Variants in BRINP1 observed in about 807,000 individuals in gnomAD.
The protein encoded by BRINP1 is BMP/retinoic acid-inducible neural-specific protein 1.
A neutral mutation model predicts 72.9 loss-of-function variants in BRINP1; 17 were observed. The observed-to-expected ratio is 0.23, with a 90% CI of 0.16 to 0.35. The LOEUF (loss-of-function observed/expected upper bound fraction) is 0.35. Ranked by LOEUF, BRINP1 falls within the 10% of genes least tolerant of loss-of-function variation. The pLI is 1.00. For synonymous variants in BRINP1, 418 were observed against 378.5 expected, an observed-to-expected ratio of 1.10 and a Z score of -1.21; for missense variants, 850 against 1,001.6, an observed-to-expected ratio of 0.85 and a Z score of 2.04.
chr9:119,197,051 A>G (rs1390796488), intron 7 of BRINP1, among the ~76,000 whole-genome samples: 1 of 152,226 alleles, frequency 6.6e-6, no homozygotes, highest in East Asian at 1.9e-4. Flanking sequence ...AAGGAAAACA[A>G]GTTATCTGCC....
intron 1 of BRINP1, among the ~76,000 whole-genome samples, chr9:119,333,792 T>C (rs953712791): frequency 1.3e-5 from 2 of 152,136 alleles, no homozygotes; most frequent in African/African-American, 4.8e-5. Context: ...GAACAAGGTG[T>C]TTCATTGGGA....
At chr9:119,333,590 G>A (rs1476159649) in intron 1 of BRINP1, among the ~76,000 whole-genome samples, 2 of 151,496 alleles carry the variant, frequency 1.3e-5, no homozygotes, top group East Asian at 1.9e-4. Context: ...GTCTTAAAAC[G>A]CTCCCGTATT....
At chr9:119,176,811 T>C (rs1235847806) in intron 7 of BRINP1, among the ~76,000 whole-genome samples, 1 of 152,186 alleles carries the variant, frequency 6.6e-6, no homozygotes, top group Non-Finnish European at 1.5e-5. Flanking sequence ...TTATATCCAT[T>C]TGAAAATGGA....
chr9:119,225,513 A>G (rs1016802692), intron 5 of BRINP1, among the ~76,000 whole-genome samples: 2 of 152,060 alleles, frequency 1.3e-5, no homozygotes, highest in African/African-American at 4.8e-5. Flanking sequence ...TGTAAATGCT[A>G]TGTAACTGCT....
At chr9:119,325,063 G>C (rs546947012) in intron 1 of BRINP1, among the ~76,000 whole-genome samples, 188 of 151,936 alleles carry the variant, frequency 1.2e-3, no homozygotes, top group Middle Eastern at 6.8e-3. Flanking sequence ...TCACGCCATT[G>C]CACTCCAGCC....
chr9:119,307,135 T>C (rs1452875850), intron 2 of BRINP1, among the ~76,000 whole-genome samples: 2 of 151,432 alleles, frequency 1.3e-5, no homozygotes, highest in African/African-American at 2.4e-5. Context: ...CCCTGCTTGC[T>C]ACCCACGAGA....
At chr9:119,360,064 C>T (rs1036781821) in intron 1 of BRINP1, among the ~76,000 whole-genome samples, 2 of 152,174 alleles carry the variant, frequency 1.3e-5, no homozygotes, top group African/African-American at 4.8e-5. Context: ...ACTTGCAAGG[C>T]TTCACTGGAC....
rs189326096 is a variant in BRINP1 at position 119,249,787 on chromosome 9, G to A, written c.219-637C>T. Among the ~76,000 whole-genome samples the A allele has an allele frequency of 5.3e-4, 69 of 130,880 alleles. No homozygotes were observed. In the East Asian group the frequency reaches 0.015, roughly 29 times the overall value. 85.9% of individuals were successfully genotyped at this position (130,880 alleles called of 152,430 possible). A position where few individuals can be genotyped will look rare whatever the true frequency, so the allele number is the denominator to read the frequency against. ...CATGGCAGGATTCATGATAATGCCA[G>A]ACAGAGAAATAAACAAATGGAAGGA... On this transcript the variant is annotated intron_variant, in intron 2 of 7. Transcript: ENST00000265922.
chr9:119,240,675 G>C (rs1830237750), intron 4 of BRINP1, among the ~76,000 whole-genome samples: 1 of 152,040 alleles, frequency 6.6e-6, no homozygotes, highest in African/African-American at 2.4e-5. Context: ...ATTCTTTTCG[G>C]ATAAACTGGC....
chr9:119,364,776 A>C (rs1409496033), intron 1 of BRINP1, among the ~76,000 whole-genome samples: 1 of 152,224 alleles, frequency 6.6e-6, no homozygotes, highest in Non-Finnish European at 1.5e-5. Flanking sequence ...GAGAGAACAA[A>C]ACTAAAGACC....
intron 2 of BRINP1, among the ~76,000 whole-genome samples, chr9:119,299,522 A>G (rs1032852430): frequency 1.3e-5 from 2 of 151,768 alleles, no homozygotes; most frequent in African/African-American, 4.8e-5. Context: ...CTGAGGCAGG[A>G]GAATCACTTG....
intron 7 of BRINP1, among the ~76,000 whole-genome samples, chr9:119,197,314 A>G (rs1186611752): frequency 6.6e-6 from 1 of 152,050 alleles, no homozygotes; most frequent in Non-Finnish European, 1.5e-5. Context: ...CATTTCTCTC[A>G]CTCTCTTCTC....
At chr9:119,277,322 G>A (rs12387022) in intron 2 of BRINP1, among the ~76,000 whole-genome samples, 2,978 of 152,242 alleles carry the variant, frequency 0.02, 110 homozygotes, top group African/African-American at 0.067. Context: ...CATGAAGGAC[G>A]CAGAGAATAC....
intron 7 of BRINP1, among the ~76,000 whole-genome samples, chr9:119,205,598 G>A (rs1040996394): frequency 6.6e-6 from 1 of 152,138 alleles, no homozygotes; most frequent in African/African-American, 2.4e-5. Flanking sequence ...ACTTTTCCCA[G>A]TGTTACTCCT....
intron 1 of BRINP1, among the ~76,000 whole-genome samples, chr9:119,341,553 C>T (rs750748680): frequency 1.3e-5 from 2 of 152,100 alleles, no homozygotes; most frequent in Non-Finnish European, 2.9e-5. Context: ...CAATCAGCCA[C>T]GATTTTATGA....
At chr9:119,180,820 G>A (rs774728692) in intron 7 of BRINP1, among the ~76,000 whole-genome samples, 3 of 152,120 alleles carry the variant, frequency 2.0e-5, no homozygotes, top group Non-Finnish European at 4.4e-5. Context: ...AAATGTTACG[G>A]TCCCTTGTCA....
In BRINP1 at chr9:119,208,919, C is replaced by T; in HGVS notation, c.945G>A (p.Lys315=). 2 of 1,614,058 alleles carry T rather than the reference C, an allele frequency of 1.2e-6. No individual in the cohort carries two copies. Among genetic ancestry groups the T allele is most frequent in the Non-Finnish European group, 1.7e-6 (2 of 1,179,952 alleles). Residue 315 remains lysine (K), a synonymous_variant, in exon 7 of 8, where the codon AAG becomes AAA. Transcript: ENST00000265922. The part of the protein sequence containing the change: ...ENSDEFKSFM[K]RLPSNHFLTI... ...TCAGGAAGTGGTTGCTGGGGAGGCG[C>T]TTCATAAATGATTTAAACTCATCTA...
At chr9:119,241,167 T>C (rs1200309913) in intron 4 of BRINP1, among the ~76,000 whole-genome samples, 1 of 152,226 alleles carries the variant, frequency 6.6e-6, no homozygotes, top group Non-Finnish European at 1.5e-5. Context: ...TGGAATAAAC[T>C]TAAACAATGA....
At chr9:119,243,423 T>G (rs1229242536) in intron 3 of BRINP1, among the ~76,000 whole-genome samples, 4 of 152,212 alleles carry the variant, frequency 2.6e-5, no homozygotes, top group African/African-American at 9.7e-5. Flanking sequence ...ATGGTGTATA[T>G]GTACCACATT....
Sources: allele counts gnomAD v4.1 joint callset (sites outside exome capture counted in the v4.1 genomes callset), GRCh38; gene constraint gnomAD v4.1.1; transcripts MANE v1.5; gene names NCBI Gene and HGNC (gene_info 2026-07-23, HGNC 2026-07-21).